The following FIP1L1 variants were observed in gnomAD, a reference collection of about 807,000 sequenced individuals.
The protein encoded by FIP1L1 is factor interacting with PAPOLA and CPSF1, also known as pre-mRNA 3'-end-processing factor FIP1.
In FIP1L1, 21 loss-of-function variants were observed where a neutral mutation model predicts 84.6. That is an observed-to-expected ratio of 0.25 (90% CI 0.18 to 0.36). The LOEUF (loss-of-function observed/expected upper bound fraction) is 0.36, where lower values mean the gene tolerates loss of function less well. FIP1L1 is among the 10% of genes least tolerant of loss of function. The probability of loss-of-function intolerance (pLI) is 1.00; values close to 1 mark genes in which losing one functional copy is unlikely to be tolerated. For missense variants in FIP1L1, 526 were observed against 751.1 expected, an observed-to-expected ratio of 0.70 and a Z score of 3.50; for synonymous variants, 263 against 242.3, an observed-to-expected ratio of 1.09 and a Z score of -0.80.
chr4:53,395,589 G>C (rs1429284986), intron 9 of FIP1L1, among the ~76,000 whole-genome samples: 1 of 152,152 alleles, frequency 6.6e-6, no homozygotes, highest in Non-Finnish European at 1.5e-5. Flanking sequence ...AGATGATATA[G>C]TTATAAACTA....
chr4:53,426,036 AATAG>A, intron 12 of FIP1L1, 71 bp downstream of exon 12: 3 of 1,065,484 alleles, frequency 2.8e-6, no homozygotes, highest in Middle Eastern at 2.1e-4. Context: ...TAATTTATTC[AATAG>A]ATAGTCATAG....
intron 10 of FIP1L1, among the ~76,000 whole-genome samples, chr4:53,406,190 T>C (rs1230266881): frequency 6.6e-6 from 1 of 151,546 alleles, no homozygotes; most frequent in African/African-American, 2.4e-5. Flanking sequence ...CCTATTTACA[T>C]ACCTAATTTA....
intron 13 of FIP1L1, chr4:53,440,453 C>T (rs1771413677): frequency 3.4e-6 from 2 of 580,082 alleles, no homozygotes; most frequent in South Asian, 2.2e-5. Flanking sequence ...CAGAATGGTT[C>T]TCTTGAGTGA....
Position 53,414,643 on chromosome 4 carries a change from A to C in FIP1L1, c.844A>C (p.Ser282Arg). The change falls in exon 11 of 18, where the codon AGT becomes CGT. Residue 282 changes from serine to arginine, a missense_variant. Physicochemically the swap from Ser to Arg is moderately radical, Grantham distance 110. Around this residue, in one of 6 missense-constraint regions of FIP1L1, gnomAD observed 80 missense variants for 151.1 expected, o/e 0.53. Coordinates refer to ENST00000337488, the MANE Select transcript of FIP1L1 (RefSeq NM_030917.4). ...RNSTSSQSQT[S>R]TASRKANSSV... ...CAGCACTTCTTCTCAGTCTCAGACAAGTACTGCCTCCAGAAAAGCCAATTC... is the reference window on the plus strand; with the variant it reads ...CAGCACTTCTTCTCAGTCTCAGACACGTACTGCCTCCAGAAAAGCCAATTC... The C allele has an allele frequency of 1.2e-6, 2 of 1,613,376 alleles. No homozygotes were observed. Among genetic ancestry groups the C allele is most frequent in the Middle Eastern group, 1.7e-4 (1 of 6,060 alleles).
chr4:53,399,715 C>T lies in FIP1L1; in HGVS notation c.706-15C>T, dbSNP rs750059420. On this transcript the variant is annotated splice_polypyrimidine_tract_variant and intron_variant, in intron 9 of 17. Coordinates refer to ENST00000337488, the MANE Select transcript of FIP1L1 (RefSeq NM_030917.4). ...TCTGTTAAATTCAACAAGCTAATAA[C>T]CTTTTTTTTTTAAGGTACAGCAGGG... is the stretch of plus-strand genomic sequence containing the variant. 6.5e-7 allele frequency: 1 copy of T among 1,544,982 alleles called. No homozygotes were observed. Among genetic ancestry groups the T allele is most frequent in the Non-Finnish European group, 8.9e-7 (1 of 1,123,506 alleles).
chr4:53,414,900 C>A (rs1193682781), intron 11 of FIP1L1, among the ~76,000 whole-genome samples, 178 bp downstream of exon 11: 1 of 152,024 alleles, frequency 6.6e-6, no homozygotes, highest in Non-Finnish European at 1.5e-5. Context: ...CAGCACTTGT[C>A]TTGCTACCCA....
At chr4:53,423,525 A>G (rs10023613) in intron 11 of FIP1L1, among the ~76,000 whole-genome samples, 19,792 of 152,226 alleles carry the variant, frequency 0.13, 2,570 homozygotes, top group African/African-American at 0.32. Context: ...CATCAGAATA[A>G]TATTAGATTT....
At chr4:53,417,331 GT>G in intron 11 of FIP1L1, among the ~76,000 whole-genome samples, 1 of 152,248 alleles carries the variant, frequency 6.6e-6, no homozygotes, top group Non-Finnish European at 1.5e-5. Flanking sequence ...TTCATTACGT[GT>G]TTTGTGCTTT....
At chr4:53,451,568 A>G (rs2150371716) in intron 15 of FIP1L1, among the ~76,000 whole-genome samples, 1 of 119,290 alleles carries the variant, frequency 8.4e-6, no homozygotes, top group East Asian at 2.4e-4. Flanking sequence ...TTGAAACTAT[A>G]CATTTTCTTT....
At chr4:53,378,993 T>C (rs1426873613) in intron 1 of FIP1L1, 80 bp from the exon 2 acceptor site, 1 of 1,413,282 alleles carries the variant, frequency 7.1e-7, no homozygotes, top group African/African-American at 1.4e-5. Flanking sequence ...TTTATAGCAG[T>C]AAAGTCTGAT....
intron 3 of FIP1L1, 69 bp downstream of exon 3, chr4:53,379,333 A>T (rs2149234211): frequency 7.5e-7 from 1 of 1,329,956 alleles, no homozygotes; most frequent in Non-Finnish European, 1.0e-6. Flanking sequence ...CAGTTGTCAA[A>T]ATTATTTTCT....
intron 11 of FIP1L1, among the ~76,000 whole-genome samples, chr4:53,421,429 C>G (rs180786342): frequency 6.6e-6 from 1 of 152,296 alleles, no homozygotes. Flanking sequence ...AGTTGTCCCT[C>G]CATCTGAAAT....
At chr4:53,403,101 C>T (rs1357703793) in intron 10 of FIP1L1, among the ~76,000 whole-genome samples, 4 of 152,048 alleles carry the variant, frequency 2.6e-5, no homozygotes, top group Non-Finnish European at 5.9e-5. Flanking sequence ...TTTTGGAGTT[C>T]TGTGAATAAA....
At chr4:53,380,875 A>G (rs1204376237) in intron 3 of FIP1L1, among the ~76,000 whole-genome samples, 1 of 152,182 alleles carries the variant, frequency 6.6e-6, no homozygotes, top group Non-Finnish European at 1.5e-5. Flanking sequence ...AATCAAATAT[A>G]CTTTTCTATA....
At chr4:53,450,223 C>T (rs1284408977) in intron 15 of FIP1L1, among the ~76,000 whole-genome samples, 4 of 151,988 alleles carry the variant, frequency 2.6e-5, no homozygotes, top group South Asian at 2.1e-4. Flanking sequence ...CCTAAACTTT[C>T]GATAAATCTT....
chr4:53,442,769 C>T (rs1772547672), intron 14 of FIP1L1, 62 bp downstream of exon 14: 3 of 911,270 alleles, frequency 3.3e-6, no homozygotes, highest in Admixed American at 2.3e-5. Context: ...GAACCATATA[C>T]TTGGAAATAT....
chr4:53,396,335 C>G (rs1485403125), intron 9 of FIP1L1, among the ~76,000 whole-genome samples: 1 of 152,124 alleles, frequency 6.6e-6, no homozygotes, highest in Non-Finnish European at 1.5e-5. Context: ...TTTATAATTA[C>G]AATTACATGG....
rs749778933 is a variant in FIP1L1, at chr4:53,391,444, T to C, written c.651T>C (p.Thr217=). The C allele has an allele frequency of 1.2e-6, 2 of 1,613,050 alleles. No individual in the cohort carries two copies. Among genetic ancestry groups the C allele is most frequent in the Non-Finnish European group, 1.7e-6 (2 of 1,179,116 alleles). The part of the protein sequence containing the change: ...TTNKITAEDC[T]MEVTPGAEIQ... ...ATTTAACTTAGGCCGAAGACTGTAC[T>C]ATGGAAGTTACACCAGGTGCAGAGA... is the stretch of plus-strand genomic sequence containing the variant. The change falls in exon 9 of 18, where the codon ACT becomes ACC. Residue 217 remains threonine (T), a synonymous_variant. Transcript: ENST00000337488.
At chr4:53,389,983 G>A (rs1743302768) in intron 6 of FIP1L1, 110 bp downstream of exon 6, 1 of 779,676 alleles carries the variant, frequency 1.3e-6, no homozygotes, top group Non-Finnish European at 2.0e-6. Context: ...CTGTCACTCA[G>A]GCTGGAGTAC....
Sources: allele counts gnomAD v4.1 joint callset (sites outside exome capture counted in the v4.1 genomes callset), GRCh38; gene constraint gnomAD v4.1.1; regional missense constraint gnomAD v4.1.1; transcripts MANE v1.5; gene names NCBI Gene and HGNC (gene_info 2026-07-23, HGNC 2026-07-21).